Variants in CLSTN2 observed in about 807,000 individuals in gnomAD.
CLSTN2 encodes the protein calsyntenin-2.
CLSTN2 carries 48 observed loss-of-function variants against 101.2 expected under a neutral mutation model. The ratio of observed to expected loss-of-function variants is 0.47; its 90% CI spans 0.38 to 0.60. CLSTN2 has a LOEUF of 0.60. CLSTN2 is among the 20% of genes least tolerant of loss of function. The pLI, the probability that CLSTN2 is intolerant of heterozygous loss-of-function variation, is 0.00. For missense variants in CLSTN2, 1,160 were observed against 1,238.2 expected (o/e 0.94, Z 0.95); for synonymous variants, 481 against 463.6 (o/e 1.04, Z -0.48).
chr3:140,157,835 C>G lies in CLSTN2; in HGVS notation c.110-18116C>G, dbSNP rs150167374. Among the ~76,000 whole-genome samples, 102 of 152,218 alleles carry G rather than the reference C, an allele frequency of 6.7e-4. No individual in the cohort carries two copies. In the East Asian group the frequency reaches 0.017, roughly 25 times the overall value. On this transcript the variant is annotated intron_variant, in intron 1 of 16. Transcript: ENST00000458420. ...CACCATGATCAAGTAAGCTTTATTC[C>G]TGGGATGCAAGGCTGGTTCAATATA...
chr3:139,947,775 T>G (rs1273411482), intron 1 of CLSTN2, among the ~76,000 whole-genome samples: 1 of 152,232 alleles, frequency 6.6e-6, no homozygotes, highest in African/African-American at 2.4e-5. Flanking sequence ...GTTAGAATTA[T>G]ATTTAAGACT....
chr3:140,319,871 A>G lies in CLSTN2; in HGVS notation c.233-83758A>G, dbSNP rs141164387. 2.8e-3 allele frequency among the ~76,000 whole-genome samples: 434 copies of G among 152,346 alleles called. 7 individuals are homozygous for G. The highest frequency in any genetic ancestry group is 0.01 in the African/African-American group (417 of 41,592). On this transcript the variant is annotated intron_variant, in intron 2 of 16. Transcript: ENST00000458420. The stretch of plus-strand genomic sequence containing the variant: ...CTGCTGATGCTCTGGAGAAGTGGCA[A>G]CTCAGTCACCTCCCCTCAGAGAAAA...
intron 4 of CLSTN2, among the ~76,000 whole-genome samples, chr3:140,406,528 A>G (rs1000212635): frequency 2.0e-5 from 3 of 152,238 alleles, no homozygotes; most frequent in African/African-American, 4.8e-5. Flanking sequence ...AAAACTAAGA[A>G]GAAGGTAATT....
chr3:140,295,771 A>T (rs1457563902), intron 2 of CLSTN2, among the ~76,000 whole-genome samples: 1 of 152,218 alleles, frequency 6.6e-6, no homozygotes, highest in Non-Finnish European at 1.5e-5. Flanking sequence ...AGGAGGAGTC[A>T]TATGATCAGA....
intron 1 of CLSTN2, among the ~76,000 whole-genome samples, chr3:139,972,564 A>T (rs1472387515): frequency 6.6e-6 from 1 of 152,180 alleles, no homozygotes; most frequent in Non-Finnish European, 1.5e-5. Context: ...CCTTGTCAGT[A>T]AAATGACTGC....
rs115712617 is a variant in CLSTN2 at position 139,996,632 on chromosome 3, G to A, written c.109+61149G>A. The stretch of plus-strand genomic sequence containing the variant: ...TTCTCTTGAACACTGAGTATTGTCA[G>A]ACTTCTTATTTTTCCAACTGAATGA... On this transcript the variant is annotated intron_variant, in intron 1 of 16. Transcript: ENST00000458420. Among the ~76,000 whole-genome samples, 988 of 152,218 alleles carry A rather than the reference G, an allele frequency of 6.5e-3. 7 individuals carry two copies. Among genetic ancestry groups the A allele is most frequent in the Non-Finnish European group, 0.012 (809 of 68,008 alleles).
chr3:140,213,569 A>G lies in CLSTN2; in HGVS notation c.232+37496A>G, dbSNP rs111941125. On this transcript the variant is annotated intron_variant, in intron 2 of 16. Coordinates refer to ENST00000458420, the MANE Select transcript of CLSTN2 (RefSeq NM_022131.3). ...GGCCTGGGAAGAGATACAGGCCCAGAGCTGCCCAAGAAGCAGAGCTGAATG... is the reference window on the plus strand; with the variant it reads ...GGCCTGGGAAGAGATACAGGCCCAGGGCTGCCCAAGAAGCAGAGCTGAATG... 5.2e-3 allele frequency among the ~76,000 whole-genome samples: 797 copies of G among 152,314 alleles called. 10 individuals are homozygous for G. The highest frequency in any genetic ancestry group is 0.019 in the African/African-American group (771 of 41,564).
chr3:140,384,506 T>C (rs1021753646), intron 2 of CLSTN2, among the ~76,000 whole-genome samples: 13 of 152,270 alleles, frequency 8.5e-5, no homozygotes, highest in African/African-American at 2.9e-4. Flanking sequence ...ATATCGAAGG[T>C]GCTTGTTATC....
At chr3:140,110,421 C>T (rs1454989583) in intron 1 of CLSTN2, among the ~76,000 whole-genome samples, 1 of 152,156 alleles carries the variant, frequency 6.6e-6, no homozygotes, top group Non-Finnish European at 1.5e-5. Flanking sequence ...CATTAAACAC[C>T]ATGGGGCATC....
At chr3:140,194,293 G>A (rs898436004) in intron 2 of CLSTN2, among the ~76,000 whole-genome samples, 2 of 152,100 alleles carry the variant, frequency 1.3e-5, no homozygotes, top group African/African-American at 4.8e-5. Flanking sequence ...CTTACATGGT[G>A]GAAGGGATGA....
At chr3:140,218,625 A>G (rs1052752340) in intron 2 of CLSTN2, among the ~76,000 whole-genome samples, 1 of 152,214 alleles carries the variant, frequency 6.6e-6, no homozygotes, top group African/African-American at 2.4e-5. Flanking sequence ...AACTAGTTCA[A>G]ATTTTTAAAA....
intron 1 of CLSTN2, among the ~76,000 whole-genome samples, chr3:140,076,979 T>C (rs1252073607): frequency 6.6e-6 from 1 of 152,052 alleles, no homozygotes; most frequent in Non-Finnish European, 1.5e-5. Flanking sequence ...GAGCTGGTGA[T>C]TATCTGTCTT....
At chr3:140,110,083 G>A (rs1215952255) in intron 1 of CLSTN2, among the ~76,000 whole-genome samples, 1 of 152,122 alleles carries the variant, frequency 6.6e-6, no homozygotes, top group Non-Finnish European at 1.5e-5. Flanking sequence ...TAAAGGACTG[G>A]CAATTTCAAG....
chr3:140,035,172 A>G (rs1048685368), intron 1 of CLSTN2, among the ~76,000 whole-genome samples: 4 of 152,246 alleles, frequency 2.6e-5, no homozygotes, highest in Non-Finnish European at 5.9e-5. Flanking sequence ...GGCAAGCCAG[A>G]TTTCCATCCT....
At chr3:140,171,507 G>C (rs1007139597) in intron 1 of CLSTN2, among the ~76,000 whole-genome samples, 1 of 149,788 alleles carries the variant, frequency 6.7e-6, no homozygotes, top group East Asian at 2.0e-4. Context: ...GAAGGGAACA[G>C]CCACTGCTTC....
chr3:140,224,404 TGTTTATTGAGTA>T (rs1242334948), intron 2 of CLSTN2, among the ~76,000 whole-genome samples: 1 of 152,164 alleles, frequency 6.6e-6, no homozygotes. Flanking sequence ...ATTTAGCTAG[TGTTTATTGAGTA>T]GTTAATATGA....
At chr3:140,263,358 T>G (rs1381515773) in intron 2 of CLSTN2, among the ~76,000 whole-genome samples, 1 of 152,050 alleles carries the variant, frequency 6.6e-6, no homozygotes, top group Non-Finnish European at 1.5e-5. Context: ...CAGGGCCATG[T>G]GGAATGGTGG....
At chr3:140,354,402 A>G (rs973911533) in intron 2 of CLSTN2, among the ~76,000 whole-genome samples, 3 of 152,170 alleles carry the variant, frequency 2.0e-5, no homozygotes, top group East Asian at 3.9e-4. Flanking sequence ...TCAGTTGGTG[A>G]TATCTTTCTA....
At chr3:140,189,236 G>A (rs2010525587) in intron 2 of CLSTN2, among the ~76,000 whole-genome samples, 1 of 152,172 alleles carries the variant, frequency 6.6e-6, no homozygotes, top group South Asian at 2.1e-4. Flanking sequence ...GTTTTTGTGT[G>A]AACATAAGTC....
Sources: allele counts gnomAD v4.1 joint callset (sites outside exome capture counted in the v4.1 genomes callset), GRCh38; gene constraint gnomAD v4.1.1; transcripts MANE v1.5; gene names NCBI Gene and HGNC (gene_info 2026-07-23, HGNC 2026-07-21).